DNMT1: variants seen among roughly 807,000 people sequenced by gnomAD.
The protein encoded by DNMT1 is DNA (cytosine-5)-methyltransferase 1.
A neutral mutation model predicts 205.3 loss-of-function variants in DNMT1; 24 were observed. The observed-to-expected ratio is 0.12, with a 90% CI of 0.08 to 0.16. The LOEUF (loss-of-function observed/expected upper bound fraction) is 0.16. Among genes scored for constraint, DNMT1 ranks in the 10% least tolerant of loss-of-function variants. The pLI, the probability that DNMT1 is intolerant of heterozygous loss-of-function variation, is 1.00. For synonymous variants in DNMT1, 817 were observed against 839.8 expected (o/e 0.97, Z 0.47); for missense variants, 1,293 against 2,177.7 (o/e 0.59, Z 8.09).
At chr19:10,141,996 G>A (rs779103850) in intron 30 of DNMT1, 32 bp downstream of exon 30, 7 of 1,609,436 alleles carry the variant, frequency 4.3e-6, no homozygotes, top group African/African-American at 1.3e-5. Context: ...CTTTGACCCC[G>A]AAGCCTTCCC....
At position 10,138,133 on chromosome 19, in the gene DNMT1, C is replaced by A; in HGVS notation, c.4116-124G>T. ...GAGATCACAGCACTGCCCGAGGTCA[C>A]ATGGGTGGCAGTGTGCCTGGATGCC... On this transcript the variant is annotated intron_variant, in intron 35 of 40. Transcript: ENST00000359526. The surrounding 1 kb of genome is among the most constrained non-coding windows in gnomAD (Gnocchi z 4.1). The A allele has an allele frequency of 7.9e-7, 1 of 1,263,722 alleles. No individual in the cohort carries two copies. Among genetic ancestry groups the A allele is most frequent in the Non-Finnish European group, 1.1e-6 (1 of 900,538 alleles). The allele number at this position is 1,263,722 out of a possible 1,614,324, so 78.3% of individuals were successfully genotyped here.
At chr19:10,162,585 C>T in intron 13 of DNMT1, 82 bp downstream of exon 13, 1 of 1,455,608 alleles carries the variant, frequency 6.9e-7, no homozygotes, top group Non-Finnish European at 9.3e-7. Context: ...TTTCCTAAGA[C>T]CAGCCTGGGC....
intron 5 of DNMT1, chr19:10,178,544 G>A (rs1458820213): frequency 6.6e-6 from 1 of 151,980 alleles, no homozygotes; most frequent in Admixed American, 6.6e-5. Context: ...GGATCACGAG[G>A]TCGGGATATT....
Position 10,160,056 on chromosome 19 carries a change from T to G in DNMT1, c.1051A>C (p.Lys351Gln), listed in dbSNP as rs749001465. The G allele has an allele frequency of 3.2e-6, 5 of 1,565,360 alleles. No homozygotes were observed. The highest frequency in any genetic ancestry group is 1.8e-5 in the African/African-American group (1 of 54,428). The change falls in exon 15 of 41, where the codon AAA (lysine) becomes CAA (glutamine). Residue 351 changes from lysine (K) to glutamine (Q), a missense_variant. Transcript: ENST00000359526. Reference protein sequence around the residue: ...RKTTPKEPTEKKMARAKTVMN... With the variant: ...RKTTPKEPTEQKMARAKTVMN... ...ACTGTTTTGGCGCGAGCCATTTTTT[T>G]CTCCGTTCTGGGGGAAAAAAAAAAA...
intron 1 of DNMT1, among the ~76,000 whole-genome samples, chr19:10,193,937 C>G (rs185115449): frequency 2.0e-5 from 3 of 152,312 alleles, no homozygotes; most frequent in Admixed American, 1.3e-4. Flanking sequence ...AGTGCTCCCA[C>G]TGATCCTTGT....
At position 10,154,455 on chromosome 19, in the gene DNMT1, G is replaced by A; in HGVS notation, c.1857C>T (p.Thr619=). 5.0e-6 allele frequency: 8 copies of A among 1,614,252 alleles called. No homozygotes were observed. Among genetic ancestry groups the A allele is most frequent in the Non-Finnish European group, 6.8e-6 (8 of 1,180,050 alleles). Residue 619 remains threonine, a synonymous_variant, in exon 22 of 41, where the codon ACC becomes ACT. Coordinates refer to ENST00000359526, the MANE Select transcript of DNMT1 (RefSeq NM_001130823.3). The surrounding 1 kb of genome is among the most constrained non-coding windows in gnomAD (Gnocchi z 6.3). ...GQRRAQARRQ[T]IRHSTREKDR... ...CCTTCTCCCTGGTAGAATGCCTGAT[G>A]GTCTGCCGCCTCGCCTGGGCTCGCC...
chr19:10,183,036 C>T (rs908058336), intron 1 of DNMT1, among the ~76,000 whole-genome samples: 10 of 137,564 alleles, frequency 7.3e-5, no homozygotes, highest in African/African-American at 2.5e-4. Flanking sequence ...TGTATATATA[C>T]GTATATATGT....
chr19:10,194,883 G>T lies in DNMT1; in HGVS notation c.17C>A (p.Ala6Asp). 1 of 1,610,078 alleles carries T rather than the reference G, an allele frequency of 6.2e-7. No homozygotes were observed. Among genetic ancestry groups the T allele is most frequent in the South Asian group, 1.1e-5 (1 of 90,700 alleles). ...GGCCAGTGTGGGCACCCGGGCTGGG[G>T]CGGTACGCGCCGGCATCTCGGAGGC... MPART[A>D]PARVPTLAVP... Residue 6 changes from alanine (A) to aspartate (D), a missense_variant, in exon 1 of 41, where the codon GCC becomes GAC. Ala to Asp is a moderately radical substitution (Grantham distance 126). Around this residue, in one of 13 missense-constraint regions of DNMT1, gnomAD observed 394 missense variants for 451.6 expected, o/e 0.87. Coordinates refer to ENST00000359526, the MANE Select transcript of DNMT1 (RefSeq NM_001130823.3).
chr19:10,158,916 T>A (rs759871852), intron 17 of DNMT1, among the ~76,000 whole-genome samples: 1 of 152,156 alleles, frequency 6.6e-6, no homozygotes, highest in Non-Finnish European at 1.5e-5. Flanking sequence ...CTGAAAATCA[T>A]TACCTCTCCC....
At chr19:10,176,421 C>T (rs2038939632) in intron 6 of DNMT1, among the ~76,000 whole-genome samples, 1 of 152,216 alleles carries the variant, frequency 6.6e-6, no homozygotes, top group Non-Finnish European at 1.5e-5. Context: ...CTTTAAGGAA[C>T]AAGTCAACCA....
rs1303994790 is a variant in DNMT1 at position 10,148,935 on chromosome 19, G to A, written c.2669C>T (p.Ala890Val). Residue 890 changes from alanine (A) to valine (V), a missense_variant, in exon 27 of 41, where the codon GCG becomes GTG. Around this residue, in one of 13 missense-constraint regions of DNMT1, gnomAD observed 112 missense variants for 116.6 expected, o/e 0.96. Transcript: ENST00000359526. ...GGTTTTTGGAGGGGACTCGAATCTC[G>A]CGTAGTCTTGATCATACCACAGCTG... is the stretch of plus-strand genomic sequence containing the variant. ...FYQLWYDQDY[A>V]RFESPPKTQP... 2.5e-6 allele frequency: 4 copies of A among 1,614,140 alleles called. No individual in the cohort carries two copies. The highest frequency in any genetic ancestry group is 1.7e-5 in the Admixed American group (1 of 60,016).
At chr19:10,145,091 C>T (rs1037217560) in intron 28 of DNMT1, among the ~76,000 whole-genome samples, 2 of 152,218 alleles carry the variant, frequency 1.3e-5, no homozygotes, top group Non-Finnish European at 2.9e-5. Flanking sequence ...AGAAGCGACA[C>T]TGGAGGCCAA....
intron 1 of DNMT1, among the ~76,000 whole-genome samples, chr19:10,193,874 G>C (rs1036846905): frequency 3.3e-5 from 5 of 152,116 alleles, no homozygotes; most frequent in African/African-American, 1.2e-4. Flanking sequence ...CACCTCACTT[G>C]AACAAGTTTT....
chr19:10,146,194 G>A lies in DNMT1; in HGVS notation c.2894+157C>T, dbSNP rs1050349505. On this transcript the variant is annotated intron_variant, in intron 28 of 40. Coordinates refer to ENST00000359526, the MANE Select transcript of DNMT1 (RefSeq NM_001130823.3). The surrounding 1 kb of genome is among the most constrained non-coding windows in gnomAD (Gnocchi z 4.4). ...CAATAGCATCATGGTCAGTCTACAC[G>A]ATTTATGTTGTCTGTTTGCCACCTA... Among the ~76,000 whole-genome samples the A allele has an allele frequency of 6.6e-6, 1 of 152,108 alleles. No individual in the cohort carries two copies. The highest frequency in any genetic ancestry group is 1.5e-5 in the Non-Finnish European group (1 of 68,018).
intron 33 of DNMT1, 75 bp from the exon 34 acceptor site, chr19:10,139,892 C>T (rs367689749): frequency 7.7e-6 from 12 of 1,561,006 alleles, no homozygotes; most frequent in East Asian, 4.8e-5. Context: ...TGCCGGAAGC[C>T]CCTCACGAAT....
At chr19:10,148,271 C>T (rs957383071) in intron 27 of DNMT1, among the ~76,000 whole-genome samples, 4 of 151,036 alleles carry the variant, frequency 2.6e-5, no homozygotes, top group East Asian at 3.9e-4. Context: ...CCAAGGCGGG[C>T]AGATCACAAG....
chr19:10,143,188 G>C (rs1369394694), intron 29 of DNMT1, among the ~76,000 whole-genome samples: 1 of 152,238 alleles, frequency 6.6e-6, no homozygotes, highest in African/African-American at 2.4e-5. Flanking sequence ...GATGGAGCTT[G>C]GGAGGTTCTC....
rs148665266 is a variant in DNMT1, at chr19:10,164,418, T to C, written c.892-1058A>G. On this transcript the variant is annotated intron_variant, in intron 11 of 40. Transcript: ENST00000359526. ...TCAGTGTCCCAAAATGCTGGGATTA[T>C]AGGCGTGAGACACCGCGCCTGGCTT... 3.6e-3 allele frequency among the ~76,000 whole-genome samples: 549 copies of C among 152,264 alleles called. 4 individuals are homozygous for C. The highest frequency in any genetic ancestry group is 0.013 in the African/African-American group (526 of 41,564).
rs1436144787 is a variant in DNMT1, at chr19:10,137,756, T to G, written c.4293+76A>C. ...TCAGATTCCATGTCTCCCCTGAGTCTTGGGCAGGCTGACTGTTCCCACGAG... is the reference window on the plus strand; with the variant it reads ...TCAGATTCCATGTCTCCCCTGAGTCGTGGGCAGGCTGACTGTTCCCACGAG... On this transcript the variant is annotated intron_variant, in intron 36 of 40. Coordinates refer to ENST00000359526, the MANE Select transcript of DNMT1 (RefSeq NM_001130823.3). This position sits in a 1 kb window ranked among gnomAD's most constrained non-coding sequence, Gnocchi z 6.4. 6.4e-7 allele frequency: 1 copy of G among 1,558,594 alleles called. No individual in the cohort carries two copies. Among genetic ancestry groups the G allele is most frequent in the Non-Finnish European group, 8.7e-7 (1 of 1,148,154 alleles).
Sources: gnomAD v4.1 joint callset for allele counts (sites outside exome capture counted in the v4.1 genomes callset) on GRCh38, gnomAD v4.1.1 for gene constraint, gnomAD v4.1.1 regional missense constraint, Gnocchi (gnomAD v3.1) non-coding constraint, MANE v1.5 for transcripts, NCBI Gene and HGNC (gene_info 2026-07-23, HGNC 2026-07-21) for gene names.